CFAP263: variants seen among roughly 807,000 people sequenced by gnomAD.
CFAP263 encodes the protein cilia- and flagella-associated protein 263.
the CFAP263 span, among the ~76,000 whole-genome samples, chr16:58,274,451 C>T: frequency 4.6e-5 from 7 of 152,284 alleles, no homozygotes; most frequent in East Asian, 3.9e-4. Flanking sequence ...TGTGTCCCCA[C>T]GCAAGTCTCA....
At chr16:58,278,719 A>G in the CFAP263 span, 1 of 1,310,190 alleles carries the variant, frequency 7.6e-7, no homozygotes, top group Non-Finnish European at 1.1e-6. Flanking sequence ...TGGGGTAAGA[A>G]TACAGATGTT....
chr16:58,258,973 G>A, the CFAP263 span, among the ~76,000 whole-genome samples: 3 of 146,966 alleles, frequency 2.0e-5, no homozygotes, highest in South Asian at 2.1e-4. Flanking sequence ...GCAAGACTCC[G>A]TCTCAGAAAA....
At chr16:58,271,800 G>GGA in the CFAP263 span, among the ~76,000 whole-genome samples, 1 of 152,096 alleles carries the variant, frequency 6.6e-6, no homozygotes, top group African/African-American at 2.4e-5. Flanking sequence ...TCACCTAGAT[G>GGA]GATAGTATGT....
the CFAP263 span, chr16:58,278,741 T>C: frequency 1.6e-5 from 17 of 1,079,572 alleles, no homozygotes; most frequent in African/African-American, 1.7e-4. Context: ...GGATATGTAA[T>C]TTCTGGGAGA....
At chr16:58,274,272 TG>T in the CFAP263 span, among the ~76,000 whole-genome samples, 1 of 152,244 alleles carries the variant, frequency 6.6e-6, no homozygotes, top group African/African-American at 2.4e-5. Context: ...TTTTACTTGC[TG>T]CTACTAACAT....
chr16:58,260,710 T>G, the CFAP263 span, among the ~76,000 whole-genome samples: 1 of 152,154 alleles, frequency 6.6e-6, no homozygotes, highest in Non-Finnish European at 1.5e-5. Context: ...ATTTGGGCAC[T>G]GGTAGCATGC....
chr16:58,261,720 G>C, the CFAP263 span, among the ~76,000 whole-genome samples: 4 of 152,296 alleles, frequency 2.6e-5, no homozygotes, highest in Non-Finnish European at 4.4e-5. Context: ...TGAATCCCAG[G>C]AGATAGCACA....
chr16:58,278,683 A>T, the CFAP263 span: 1 of 1,581,938 alleles, frequency 6.3e-7, no homozygotes, highest in Non-Finnish European at 8.7e-7. Flanking sequence ...TATGTCTTCA[A>T]CGTTTTCACT....
chr16:58,268,280 A>T, the CFAP263 span, among the ~76,000 whole-genome samples: 2 of 152,178 alleles, frequency 1.3e-5, no homozygotes, highest in East Asian at 3.9e-4. Flanking sequence ...CTGAGCATTG[A>T]TAGCTGAATT....
chr16:58,252,513 AG>A, the CFAP263 span, among the ~76,000 whole-genome samples: 58 of 152,290 alleles, frequency 3.8e-4, no homozygotes, highest in Middle Eastern at 6.8e-3. Flanking sequence ...TCAAATATAT[AG>A]CACTTACTAT....
chr16:58,275,687 A>T, the CFAP263 span, among the ~76,000 whole-genome samples: 39 of 152,228 alleles, frequency 2.6e-4, no homozygotes, highest in African/African-American at 9.2e-4. Flanking sequence ...TAAAGCTTTG[A>T]TATTGATACC....
chr16:58,280,414 A>G, the CFAP263 span: 18 of 1,614,108 alleles, frequency 1.1e-5, no homozygotes, highest in South Asian at 1.4e-4. Context: ...CCTAACATCT[A>G]GACTATCTCT....
At chr16:58,252,669 A>G in the CFAP263 span, 4 of 1,503,462 alleles carry the variant, frequency 2.7e-6, no homozygotes, top group African/African-American at 4.1e-5. Context: ...ATTAAACACT[A>G]GTTATTTGAG....
At chr16:58,279,891 C>T in the CFAP263 span, 1 of 854,946 alleles carries the variant, frequency 1.2e-6, no homozygotes, top group South Asian at 1.7e-5. Flanking sequence ...CCCAACCCCC[C>T]ACCCAGGCTG....
the CFAP263 span, among the ~76,000 whole-genome samples, chr16:58,255,221 G>T: frequency 6.6e-6 from 1 of 152,204 alleles, no homozygotes; most frequent in Non-Finnish European, 1.5e-5. Flanking sequence ...GGGTCTAAAG[G>T]CAAAGAACCT....
At chr16:58,254,408 T>C in the CFAP263 span, among the ~76,000 whole-genome samples, 14 of 152,200 alleles carry the variant, frequency 9.2e-5, no homozygotes, top group Non-Finnish European at 1.6e-4. Context: ...CAAACCCCTA[T>C]GTATTCAACA....
the CFAP263 span, chr16:58,262,388 G>T: frequency 4.4e-6 from 7 of 1,606,776 alleles, no homozygotes; most frequent in East Asian, 1.6e-4. Context: ...GCTGTAGAAG[G>T]AAGAGGTGAG....
chr16:58,280,458 CCTT>C, the CFAP263 span: 7 of 1,614,184 alleles, frequency 4.3e-6, no homozygotes, highest in Admixed American at 1.0e-4. Context: ...GCGTGATGGT[CCTT>C]CTTTGTCCCT....
the CFAP263 span, among the ~76,000 whole-genome samples, chr16:58,252,193 A>T: frequency 6.6e-6 from 1 of 152,044 alleles, no homozygotes; most frequent in Admixed American, 6.5e-5. Flanking sequence ...ACATAGCAAG[A>T]TACCACCTCT....
Sources: gnomAD v4.1 joint callset for allele counts (sites outside exome capture counted in the v4.1 genomes callset) on GRCh38, gnomAD v4.1.1 for gene constraint, MANE v1.5 for transcripts, NCBI Gene and HGNC (gene_info 2026-07-23, HGNC 2026-07-21) for gene names.